Variants in NRXN1 observed in about 807,000 individuals in gnomAD.
NRXN1 encodes neurexin-1.
In NRXN1, 39 loss-of-function variants were observed where a neutral mutation model predicts 150.9. The observed-to-expected ratio is 0.26, with a 90% CI of 0.20 to 0.34. The LOEUF (loss-of-function observed/expected upper bound fraction) is 0.34. Ranked by LOEUF, NRXN1 falls within the 10% of genes least tolerant of loss-of-function variation. The pLI, the probability that NRXN1 is intolerant of heterozygous loss-of-function variation, is 1.00. For missense variants in NRXN1, 1,815 were observed against 1,949.9 expected (o/e 0.93, Z 1.30); for synonymous variants, 924 against 757.0 (o/e 1.22, Z -3.62).
At chr2:50,576,966 T>C (rs1480979079) in intron 8 of NRXN1, among the ~76,000 whole-genome samples, 1 of 152,130 alleles carries the variant, frequency 6.6e-6, no homozygotes, top group East Asian at 1.9e-4. Context: ...TAATCTTTTC[T>C]GACATTTTAA....
chr2:50,499,178 G>C (rs939003194), intron 13 of NRXN1, among the ~76,000 whole-genome samples: 1 of 152,150 alleles, frequency 6.6e-6, no homozygotes, highest in Non-Finnish European at 1.5e-5. Flanking sequence ...GTTTGCTTAA[G>C]TGACTTTGAT....
intron 12 of NRXN1, 117 bp from the exon 13 acceptor site, chr2:50,506,734 G>C: frequency 9.4e-6 from 9 of 960,672 alleles, no homozygotes; most frequent in Non-Finnish European, 1.2e-5. Context: ...AGGAGAGAAA[G>C]AAGAAAGGAA....
intron 21 of NRXN1, among the ~76,000 whole-genome samples, chr2:49,958,804 T>C (rs1675424017): frequency 6.6e-6 from 1 of 152,206 alleles, no homozygotes; most frequent in African/African-American, 2.4e-5. Context: ...TCAATCTAGC[T>C]TTTGTCTTTT....
intron 17 of NRXN1, among the ~76,000 whole-genome samples, chr2:50,387,294 A>C (rs1282301789): frequency 6.6e-6 from 1 of 152,172 alleles, no homozygotes; most frequent in Non-Finnish European, 1.5e-5. Flanking sequence ...CCCATTTATA[A>C]CAATTATAAT....
In NRXN1 at chr2:50,689,864, G is replaced by C. The variant is rs1042917345; in HGVS notation, c.833-66249C>G. On this transcript the variant is annotated intron_variant, in intron 5 of 22. Coordinates refer to ENST00000401669, the MANE Select transcript of NRXN1 (RefSeq NM_001330078.2). ...TTTTTTTTTGCTTATTTGTGTGTGT[G>C]TGTGTGTGTGTGTGTGTGTGTGTGT... is the stretch of plus-strand genomic sequence containing the variant. Among the ~76,000 whole-genome samples, 246 of 142,756 alleles carry C rather than the reference G, an allele frequency of 1.7e-3. 3 individuals carry two copies. The highest frequency in any genetic ancestry group is 6.4e-3 in the African/African-American group (226 of 35,402). The allele number at this position is 142,756 out of a possible 152,430, so 93.7% of individuals were successfully genotyped here. A position where few individuals can be genotyped will look rare whatever the true frequency, so the allele number is the denominator to read the frequency against.
intron 5 of NRXN1, among the ~76,000 whole-genome samples, chr2:50,833,716 G>A (rs982042113): frequency 1.3e-5 from 2 of 152,180 alleles, no homozygotes; most frequent in African/African-American, 4.8e-5. Flanking sequence ...CTTGTATCCT[G>A]ACTGTAGTGG....
At chr2:50,082,934 T>C (rs189344656) in intron 19 of NRXN1, among the ~76,000 whole-genome samples, 1 of 152,350 alleles carries the variant, frequency 6.6e-6, no homozygotes, top group Non-Finnish European at 1.5e-5. Context: ...TCTCAGATTA[T>C]TTCAATTTTG....
chr2:50,015,260 A>C (rs1363496234), intron 21 of NRXN1, among the ~76,000 whole-genome samples: 1 of 152,034 alleles, frequency 6.6e-6, no homozygotes, highest in East Asian at 1.9e-4. Flanking sequence ...TGCACACTTT[A>C]TGATTAGAGC....
chr2:50,747,447 G>T (rs1281485651), intron 5 of NRXN1, among the ~76,000 whole-genome samples: 1 of 152,028 alleles, frequency 6.6e-6, no homozygotes, highest in Non-Finnish European at 1.5e-5. Context: ...ATTTTCTCTT[G>T]CTCTTCACAC....
chr2:50,947,127 C>T, intron 2 of NRXN1, among the ~76,000 whole-genome samples: 1 of 152,028 alleles, frequency 6.6e-6, no homozygotes. Flanking sequence ...CAAAGACAAA[C>T]ATTTTTGTCC....
At chr2:50,285,967 C>T (rs761632109) in intron 17 of NRXN1, among the ~76,000 whole-genome samples, 1 of 151,648 alleles carries the variant, frequency 6.6e-6, no homozygotes, top group Non-Finnish European at 1.5e-5. Flanking sequence ...CAAACAGCTA[C>T]CTAAGAAAAG....
intron 12 of NRXN1, among the ~76,000 whole-genome samples, chr2:50,518,558 T>G (rs2092693062): frequency 6.6e-6 from 1 of 151,862 alleles, no homozygotes; most frequent in Non-Finnish European, 1.5e-5. Flanking sequence ...TAAAAAAAAA[T>G]CAAAAAGCAT....
intron 8 of NRXN1, among the ~76,000 whole-genome samples, chr2:50,571,571 G>A (rs943542588): frequency 2.7e-4 from 41 of 152,002 alleles, no homozygotes; most frequent in African/African-American, 8.4e-4. Flanking sequence ...GTTCAGTTTC[G>A]GATCTGCTAA....
chr2:50,870,103 A>G (rs1257528674), intron 5 of NRXN1, among the ~76,000 whole-genome samples: 2 of 151,952 alleles, frequency 1.3e-5, no homozygotes, highest in East Asian at 3.9e-4. Flanking sequence ...GGTAAATAAC[A>G]TTTTCTACTC....
rs563265586 is a variant in NRXN1 at position 50,668,502 on chromosome 2, T to G, written c.833-44887A>C. The stretch of plus-strand genomic sequence containing the variant: ...GAAGAAAATGCATTGATTATGGGAT[T>G]TAAGAAGAAATACTGCTCTGTAACT... On this transcript the variant is annotated intron_variant, in intron 5 of 22. Coordinates refer to ENST00000401669, the MANE Select transcript of NRXN1 (RefSeq NM_001330078.2). Among the ~76,000 whole-genome samples the G allele has an allele frequency of 3.3e-4, 50 of 152,156 alleles. 1 individual carries two copies. In the South Asian group the frequency reaches 0.01, roughly 31 times the overall value.
chr2:50,215,417 A>C (rs2063328161), intron 18 of NRXN1, among the ~76,000 whole-genome samples: 2 of 152,040 alleles, frequency 1.3e-5, no homozygotes, highest in Admixed American at 6.6e-5. Flanking sequence ...CCTGCTACCA[A>C]GTATAAATAT....
intron 18 of NRXN1, among the ~76,000 whole-genome samples, chr2:50,223,683 C>T (rs552743611): frequency 4.0e-5 from 6 of 151,872 alleles, no homozygotes; most frequent in African/African-American, 1.2e-4. Context: ...ACACCTCTGT[C>T]GGGAAAATGT....
At chr2:50,909,132 C>G (rs1037715094) in intron 5 of NRXN1, among the ~76,000 whole-genome samples, 7 of 151,976 alleles carry the variant, frequency 4.6e-5, no homozygotes, top group African/African-American at 1.4e-4. Flanking sequence ...CACAGCACAT[C>G]GGATAAATTC....
At chr2:50,260,633 T>A (rs1257480708) in intron 17 of NRXN1, among the ~76,000 whole-genome samples, 1 of 47,996 alleles carries the variant, frequency 2.1e-5, no homozygotes, top group African/African-American at 9.3e-5. Flanking sequence ...TTTTCCGTTT[T>A]TTTTTTTTTT....
Sources: gnomAD v4.1 joint callset for allele counts (sites outside exome capture counted in the v4.1 genomes callset) on GRCh38, gnomAD v4.1.1 for gene constraint, MANE v1.5 for transcripts, NCBI Gene and HGNC (gene_info 2026-07-23, HGNC 2026-07-21) for gene names.